The following ADGRL3 variants were observed in gnomAD, a reference collection of about 807,000 sequenced individuals.
ADGRL3 encodes calcium-independent alpha-latrotoxin receptor 3.
In ADGRL3, 62 loss-of-function variants were observed where a neutral mutation model predicts 153.5. That is an observed-to-expected ratio of 0.40 (90% CI 0.33 to 0.50). ADGRL3 has a LOEUF of 0.50. Among genes scored for constraint, ADGRL3 ranks in the 20% least tolerant of loss-of-function variants. The pLI, the probability that ADGRL3 is intolerant of heterozygous loss-of-function variation, is 0.47. For synonymous variants in ADGRL3, 710 were observed against 672.5 expected (o/e 1.06, Z -0.86); for missense variants, 1,641 against 1,859.4 (o/e 0.88, Z 2.16).
At chr4:61,536,263 A>G (rs866943429) in intron 4 of ADGRL3, among the ~76,000 whole-genome samples, 6 of 151,990 alleles carry the variant, frequency 3.9e-5, no homozygotes, top group Non-Finnish European at 5.9e-5. Flanking sequence ...TATTATTTCA[A>G]TTCTTTCGAG....
At chr4:61,399,186 A>C (rs2096902224) in intron 2 of ADGRL3, among the ~76,000 whole-genome samples, 1 of 151,656 alleles carries the variant, frequency 6.6e-6, no homozygotes, top group Non-Finnish European at 1.5e-5. Flanking sequence ...TGAAGTAAAA[A>C]TTTTTTATGT....
chr4:61,518,938 G>T lies in ADGRL3; in HGVS notation c.259+1420G>T, dbSNP rs183681669. ...TTTATTATTCCCAGAATGTGCTTCA[G>T]CAGTCACAATTATTTCATCATAACT... On this transcript the variant is annotated intron_variant, in intron 4 of 26. Coordinates refer to ENST00000683033, the MANE Select transcript of ADGRL3 (RefSeq NM_001387552.1). Among the ~76,000 whole-genome samples the T allele has an allele frequency of 1.4e-3, 207 of 152,206 alleles. 1 individual carries two copies. Among genetic ancestry groups the T allele is most frequent in the African/African-American group, 4.5e-3 (187 of 41,526 alleles).
chr4:61,648,682 A>G (rs1053867153), intron 5 of ADGRL3, among the ~76,000 whole-genome samples: 8 of 152,064 alleles, frequency 5.3e-5, no homozygotes, highest in Non-Finnish European at 1.2e-4. Flanking sequence ...ATAAAACATC[A>G]TTGCCTTTCA....
intron 5 of ADGRL3, among the ~76,000 whole-genome samples, chr4:61,675,950 CT>C (rs201670030): frequency 0.015 from 2,334 of 151,838 alleles, 62 homozygotes; most frequent in African/African-American, 0.054. Flanking sequence ...TTCCTCCCCC[CT>C]CTACCCCTCA....
At chr4:61,983,041 G>A (rs567069288) in intron 18 of ADGRL3, among the ~76,000 whole-genome samples, 6 of 151,902 alleles carry the variant, frequency 3.9e-5, no homozygotes, top group African/African-American at 1.4e-4. Context: ...CATGATTATG[G>A]CCAAGAGAAA....
chr4:61,775,901 T>C (rs980892633), intron 8 of ADGRL3: 36 of 252,524 alleles, frequency 1.4e-4, no homozygotes, highest in Non-Finnish European at 2.0e-4. Flanking sequence ...ATTTATTTAT[T>C]TATTTATTTA....
chr4:62,046,229 G>A (rs1731059135), intron 25 of ADGRL3, among the ~76,000 whole-genome samples: 1 of 151,714 alleles, frequency 6.6e-6, no homozygotes, highest in South Asian at 2.1e-4. Context: ...AAAGAATGAG[G>A]TAATATGATT....
intron 4 of ADGRL3, among the ~76,000 whole-genome samples, chr4:61,579,915 T>A (rs886846468): frequency 6.6e-5 from 10 of 152,124 alleles, no homozygotes; most frequent in Non-Finnish European, 1.0e-4. Flanking sequence ...GGGTTATTTC[T>A]TTTGGTTACC....
At chr4:61,601,677 T>C (rs1160894788) in intron 5 of ADGRL3, among the ~76,000 whole-genome samples, 1 of 152,204 alleles carries the variant, frequency 6.6e-6, no homozygotes, top group Non-Finnish European at 1.5e-5. Context: ...TTTAATTTTC[T>C]CTATCATACC....
rs528065364 is a variant in ADGRL3, at chr4:61,845,624, C to T, written c.1480+31735C>T. 7.4e-4 allele frequency among the ~76,000 whole-genome samples: 112 copies of T among 151,844 alleles called. No homozygotes were observed. The Middle Eastern group carries it at 0.014, about 18-fold the overall frequency. Reference sequence around the variant, plus strand: ...CACGTTACCCTCCCTCCTGGGCCTCCGAGAGTGCTGAGATTATAGGTGTAA... The same window carrying T: ...CACGTTACCCTCCCTCCTGGGCCTCTGAGAGTGCTGAGATTATAGGTGTAA... On this transcript the variant is annotated intron_variant, in intron 9 of 26. Coordinates refer to ENST00000683033, the MANE Select transcript of ADGRL3 (RefSeq NM_001387552.1).
chr4:61,949,644 G>A (rs963813011), intron 17 of ADGRL3, among the ~76,000 whole-genome samples: 1 of 151,862 alleles, frequency 6.6e-6, no homozygotes, highest in Non-Finnish European at 1.5e-5. Flanking sequence ...GCAGTGAGCC[G>A]AGATCGCACC....
intron 2 of ADGRL3, among the ~76,000 whole-genome samples, chr4:61,493,778 T>A (rs1025617951): frequency 6.6e-6 from 1 of 152,196 alleles, no homozygotes; most frequent in African/African-American, 2.4e-5. Context: ...GGAAATCCCG[T>A]GTTGTACCCT....
At chr4:62,034,157 A>T (rs1282962383) in intron 23 of ADGRL3, among the ~76,000 whole-genome samples, 2 of 151,758 alleles carry the variant, frequency 1.3e-5, no homozygotes, top group Admixed American at 1.3e-4. Context: ...GTGATTCATT[A>T]AAACAGAGTT....
chr4:61,600,527 A>C (rs2099007129), intron 5 of ADGRL3, among the ~76,000 whole-genome samples: 1 of 152,140 alleles, frequency 6.6e-6, no homozygotes, highest in African/African-American at 2.4e-5. Flanking sequence ...TTGGTTTGGC[A>C]TCCAAGCCAC....
chr4:61,414,943 T>G (rs1189784150), intron 2 of ADGRL3, among the ~76,000 whole-genome samples: 2 of 152,010 alleles, frequency 1.3e-5, no homozygotes, highest in Non-Finnish European at 2.9e-5. Flanking sequence ...TATTATCTAT[T>G]TACTCTGCAT....
chr4:61,572,380 C>T (rs1352213448), intron 4 of ADGRL3, among the ~76,000 whole-genome samples: 1 of 152,106 alleles, frequency 6.6e-6, no homozygotes, highest in African/African-American at 2.4e-5. Context: ...GTGAAAACCA[C>T]AATTCACTCA....
chr4:61,562,152 G>A (rs145642389), intron 4 of ADGRL3, among the ~76,000 whole-genome samples: 1,918 of 152,216 alleles, frequency 0.013, 27 homozygotes, highest in Middle Eastern at 0.024. Context: ...CCTATTAGGT[G>A]TGCAGTAGCA....
At chr4:61,961,269 C>A (rs1017113067) in intron 17 of ADGRL3, among the ~76,000 whole-genome samples, 2 of 152,150 alleles carry the variant, frequency 1.3e-5, no homozygotes, top group African/African-American at 4.8e-5. Context: ...TGCTTTCCCT[C>A]CTTCTGTGCC....
chr4:61,567,779 A>G (rs1404613061), intron 4 of ADGRL3, among the ~76,000 whole-genome samples: 1 of 152,218 alleles, frequency 6.6e-6, no homozygotes, highest in Non-Finnish European at 1.5e-5. Context: ...AAAATAGAGT[A>G]TGTATCTTGC....
Sources: allele counts gnomAD v4.1 joint callset (sites outside exome capture counted in the v4.1 genomes callset), GRCh38; gene constraint gnomAD v4.1.1; transcripts MANE v1.5; gene names NCBI Gene and HGNC (gene_info 2026-07-23, HGNC 2026-07-21).